Variants in ALCAM observed in about 807,000 individuals in gnomAD.
ALCAM encodes activated leukocyte cell adhesion molecule.
Under a neutral mutation model 70.9 loss-of-function variants are expected in ALCAM, and 30 were observed. The ratio of observed to expected loss-of-function variants is 0.42; its 90% CI spans 0.32 to 0.57. ALCAM has a LOEUF of 0.57. ALCAM is among the 20% of genes least tolerant of loss of function. The pLI, the probability that ALCAM is intolerant of heterozygous loss-of-function variation, is 0.11. For missense variants in ALCAM, 591 were observed against 695.1 expected, an observed-to-expected ratio of 0.85 and a Z score of 1.68; for synonymous variants, 249 against 242.5, an observed-to-expected ratio of 1.03 and a Z score of -0.25.
chr3:105,479,679 A>G (rs946583117), intron 1 of ALCAM, among the ~76,000 whole-genome samples: 3 of 152,174 alleles, frequency 2.0e-5, no homozygotes, highest in Non-Finnish European at 4.4e-5. Flanking sequence ...TGACCATCAT[A>G]TACTATTTAT....
chr3:105,373,852 G>T (rs1327031001), intron 1 of ALCAM, among the ~76,000 whole-genome samples: 3 of 152,176 alleles, frequency 2.0e-5, no homozygotes, highest in Non-Finnish European at 4.4e-5. Flanking sequence ...GGCAGCACCT[G>T]ACATTCATGC....
intron 4 of ALCAM, 29 bp from the exon 5 acceptor site, chr3:105,533,574 G>A (rs1346208183): frequency 2.5e-6 from 4 of 1,595,040 alleles, no homozygotes; most frequent in Non-Finnish European, 3.4e-6. Context: ...ATTGAACCAA[G>A]GTAATAACAT....
At chr3:105,505,568 C>A (rs1444000688) in intron 1 of ALCAM, among the ~76,000 whole-genome samples, 2 of 152,148 alleles carry the variant, frequency 1.3e-5, no homozygotes, top group Non-Finnish European at 2.9e-5. Flanking sequence ...AGTATAGTAT[C>A]TGGACATTTT....
At chr3:105,511,162 G>A (rs1939225034) in intron 1 of ALCAM, among the ~76,000 whole-genome samples, 1 of 151,928 alleles carries the variant, frequency 6.6e-6, no homozygotes, top group Admixed American at 6.6e-5. Flanking sequence ...ATTAATAGAT[G>A]TCAGTATGAC....
At chr3:105,425,602 A>T (rs1230444994) in intron 1 of ALCAM, among the ~76,000 whole-genome samples, 1 of 151,884 alleles carries the variant, frequency 6.6e-6, no homozygotes, top group Non-Finnish European at 1.5e-5. Flanking sequence ...ATTATAGTGG[A>T]AAGTTTTTAA....
intron 1 of ALCAM, among the ~76,000 whole-genome samples, chr3:105,482,479 T>C (rs890289664): frequency 2.0e-5 from 3 of 152,148 alleles, no homozygotes; most frequent in Admixed American, 1.3e-4. Context: ...CCAGAGAATA[T>C]ATTAGGAAAA....
At chr3:105,367,874 G>C (rs1935108685) in intron 1 of ALCAM, among the ~76,000 whole-genome samples, 1 of 152,094 alleles carries the variant, frequency 6.6e-6, no homozygotes, top group Non-Finnish European at 1.5e-5. Flanking sequence ...CTTTCGCTTA[G>C]TTCTCGGATG....
Position 105,533,679 on chromosome 3 carries a change from C to G in ALCAM, c.536C>G (p.Pro179Arg), listed in dbSNP as rs956864853. Reference sequence around the variant, plus strand: ...TACAGGAATGGAAAAGTGCTACATCCCCTTGAAGGAGGTGGGTGTGAGGGC... The same window carrying G: ...TACAGGAATGGAAAAGTGCTACATCGCCTTGAAGGAGGTGGGTGTGAGGGC... ...TWYRNGKVLHPLEGAVVIIFK... is the reference protein window; with the variant it reads ...TWYRNGKVLHRLEGAVVIIFK... The change falls in exon 5 of 16, where the codon CCC (proline) becomes CGC (arginine). Residue 179 changes from proline to arginine, a missense_variant. Coordinates refer to ENST00000306107, the MANE Select transcript of ALCAM (RefSeq NM_001627.4). The G allele has an allele frequency of 1.9e-6, 3 of 1,610,826 alleles. No homozygotes were observed. The highest frequency in any genetic ancestry group is 2.5e-6 in the Non-Finnish European group (3 of 1,177,880).
At chr3:105,414,442 T>C (rs1936460961) in intron 1 of ALCAM, among the ~76,000 whole-genome samples, 1 of 151,690 alleles carries the variant, frequency 6.6e-6, no homozygotes, top group Admixed American at 6.6e-5. Context: ...AATAAAGTAC[T>C]GTGAGATAGA....
intron 1 of ALCAM, among the ~76,000 whole-genome samples, chr3:105,513,841 C>T (rs1022677789): frequency 2.0e-5 from 3 of 151,876 alleles, no homozygotes; most frequent in Middle Eastern, 6.8e-3. Context: ...ATTTTATGTG[C>T]GCTTATGAAT....
intron 14 of ALCAM, 102 bp from the exon 15 acceptor site, chr3:105,571,750 A>G: frequency 1.1e-6 from 1 of 889,434 alleles, no homozygotes. Flanking sequence ...TTGCTGTAAA[A>G]CATTTGCTTT....
chr3:105,486,299 T>C (rs971437194), intron 1 of ALCAM, among the ~76,000 whole-genome samples: 3 of 152,114 alleles, frequency 2.0e-5, no homozygotes, highest in African/African-American at 4.8e-5. Context: ...AAAAATGCTT[T>C]CATACATAAT....
At chr3:105,432,094 T>G (rs1936947703) in intron 1 of ALCAM, among the ~76,000 whole-genome samples, 1 of 152,138 alleles carries the variant, frequency 6.6e-6, no homozygotes, top group Non-Finnish European at 1.5e-5. Context: ...AATACTCTAT[T>G]CTTAGAGAAT....
intron 1 of ALCAM, among the ~76,000 whole-genome samples, chr3:105,375,581 C>A (rs538741328): frequency 3.9e-5 from 6 of 152,192 alleles, no homozygotes; most frequent in African/African-American, 1.2e-4. Context: ...CTAAATTGAC[C>A]TCAGATGCCA....
intron 12 of ALCAM, among the ~76,000 whole-genome samples, chr3:105,551,699 A>G (rs953277110): frequency 6.6e-6 from 1 of 151,574 alleles, no homozygotes; most frequent in African/African-American, 2.4e-5. Context: ...TACTTTGAGA[A>G]CATCTCTAGT....
chr3:105,389,232 T>G (rs1262370817), intron 1 of ALCAM, among the ~76,000 whole-genome samples: 2 of 151,404 alleles, frequency 1.3e-5, no homozygotes, highest in African/African-American at 4.8e-5. Context: ...ACAATTTTCT[T>G]TATCCTTATT....
intron 11 of ALCAM, among the ~76,000 whole-genome samples, chr3:105,549,206 T>C (rs1940331870): frequency 6.6e-6 from 1 of 151,444 alleles, no homozygotes; most frequent in Non-Finnish European, 1.5e-5. Flanking sequence ...ATTTTTCTTG[T>C]TCTGGGATTT....
chr3:105,381,091 G>T (rs1036358556), intron 1 of ALCAM, among the ~76,000 whole-genome samples: 1 of 151,842 alleles, frequency 6.6e-6, no homozygotes, highest in African/African-American at 2.4e-5. Flanking sequence ...TATGCAATGG[G>T]AATAATAGCA....
chr3:105,573,736 G>A (rs534754510), intron 15 of ALCAM, among the ~76,000 whole-genome samples: 6 of 152,222 alleles, frequency 3.9e-5, no homozygotes, highest in South Asian at 2.1e-4. Context: ...ATAGCTTACC[G>A]ATATGATATG....
Sources: gnomAD v4.1 joint callset for allele counts (sites outside exome capture counted in the v4.1 genomes callset) on GRCh38, gnomAD v4.1.1 for gene constraint, MANE v1.5 for transcripts, NCBI Gene and HGNC (gene_info 2026-07-23, HGNC 2026-07-21) for gene names.